PPA1: variants seen among roughly 807,000 people sequenced by gnomAD.
The protein encoded by PPA1 is inorganic pyrophosphatase 1, also known as inorganic pyrophosphatase.
In PPA1, 23 loss-of-function variants were observed where a neutral mutation model predicts 41.8. That is an observed-to-expected ratio of 0.55 (90% CI 0.40 to 0.78). PPA1 has a LOEUF of 0.78. Ranked by LOEUF, PPA1 falls within the 30% of genes least tolerant of loss-of-function variation. The probability of loss-of-function intolerance (pLI) is 0.00; values close to 1 mark genes in which losing one functional copy is unlikely to be tolerated. For synonymous variants in PPA1, 101 were observed against 116.8 expected (o/e 0.86, Z 0.87); for missense variants, 320 against 361.6 (o/e 0.89, Z 0.93).
In PPA1 at chr10:70,219,047, T is replaced by C. The variant is rs188819563; in HGVS notation, c.124-230A>G. Among the ~76,000 whole-genome samples, 86 of 152,288 alleles carry C rather than the reference T, an allele frequency of 5.6e-4. 1 individual carries two copies. In the South Asian group the frequency reaches 8.3e-3, roughly 15 times the overall value. On this transcript the variant is annotated intron_variant, in intron 2 of 10. Coordinates refer to ENST00000373232, the MANE Select transcript of PPA1 (RefSeq NM_021129.4). ...GGTCAGTATATGATTGCTTACGGTATAGTTCTTCTTAATTTTTATTTACTT... is the reference window on the plus strand; with the variant it reads ...GGTCAGTATATGATTGCTTACGGTACAGTTCTTCTTAATTTTTATTTACTT...
intron 2 of PPA1, among the ~76,000 whole-genome samples, chr10:70,219,319 C>T (rs966895115): frequency 6.6e-6 from 1 of 152,164 alleles, no homozygotes; most frequent in Admixed American, 6.5e-5. Flanking sequence ...CGTAACAGAA[C>T]CTGTATCTCT....
At chr10:70,207,541 T>C (rs973574872) in intron 8 of PPA1, among the ~76,000 whole-genome samples, 44 of 152,192 alleles carry the variant, frequency 2.9e-4, no homozygotes, top group African/African-American at 1.1e-3. Context: ...TGGTGATGCG[T>C]GCCTGTAGTA....
intron 3 of PPA1, 158 bp downstream of exon 3, chr10:70,218,606 G>A: frequency 1.7e-6 from 1 of 603,158 alleles, no homozygotes; most frequent in South Asian, 2.1e-5. Context: ...GGAGCCCAAA[G>A]GGAAGACTAG....
chr10:70,213,931 A>G (rs995961282), intron 5 of PPA1, among the ~76,000 whole-genome samples: 2 of 152,218 alleles, frequency 1.3e-5, no homozygotes, highest in Admixed American at 6.5e-5. Flanking sequence ...TTATTTTATA[A>G]AAGTCATGAG....
rs1414243438 is a variant in PPA1 at position 70,218,671 on chromosome 10, T to G, written c.177+93A>C. The G allele has an allele frequency of 6.0e-6, 6 of 1,003,662 alleles. No homozygotes were observed. In the African/African-American group the frequency reaches 9.7e-5, roughly 16 times the overall value. The allele number at this position is 1,003,662 out of a possible 1,614,324, so 62.2% of individuals were successfully genotyped here. A position where few individuals can be genotyped will look rare whatever the true frequency, so the allele number is the denominator to read the frequency against. On this transcript the variant is annotated intron_variant, in intron 3 of 10. Coordinates refer to ENST00000373232, the MANE Select transcript of PPA1 (RefSeq NM_021129.4). ...GACTGGGACCAGACAGAGAAAAACC[T>G]TGACGTTCAGATGGTTCATCCTTGA...
intron 4 of PPA1, among the ~76,000 whole-genome samples, chr10:70,215,605 TGAG>T (rs1840071217): frequency 6.6e-6 from 1 of 152,052 alleles, no homozygotes; most frequent in South Asian, 2.1e-4. Flanking sequence ...CTCAGCCTCC[TGAG>T]TTGCTGGGAT....
intron 8 of PPA1, among the ~76,000 whole-genome samples, chr10:70,207,001 T>C (rs1839952791): frequency 6.6e-6 from 1 of 150,672 alleles, no homozygotes; most frequent in South Asian, 2.1e-4. Context: ...GAAAAAATAA[T>C]GAAACAAAAA....
rs1376185994 is a variant in PPA1 at position 70,203,124 on chromosome 10, C to G, written c.*31G>C. Reference sequence around the variant, plus strand: ...ATACATCCAGATGAACACGATGTAGCAATATCAGCTTGTATTCCAGAGAAA... The same window carrying G: ...ATACATCCAGATGAACACGATGTAGGAATATCAGCTTGTATTCCAGAGAAA... On this transcript the variant is annotated 3_prime_UTR_variant, in exon 11 of 11. Coordinates refer to ENST00000373232, the MANE Select transcript of PPA1 (RefSeq NM_021129.4). 6.3e-7 allele frequency: 1 copy of G among 1,588,348 alleles called. No individual in the cohort carries two copies. Among genetic ancestry groups the G allele is most frequent in the Admixed American group, 1.7e-5 (1 of 59,912 alleles).
At position 70,218,624 on chromosome 10, in the gene PPA1, T is replaced by C. The variant is rs551224131; in HGVS notation, c.177+140A>G. The C allele has an allele frequency of 3.4e-4, 224 of 655,814 alleles. 4 individuals carry two copies. The highest frequency in any genetic ancestry group is 3.3e-3 in the South Asian group (175 of 52,494). The allele number at this position is 655,814 out of a possible 1,614,324, so 40.6% of individuals were successfully genotyped here. A position where few individuals can be genotyped will look rare whatever the true frequency, so the allele number is the denominator to read the frequency against. ...GCCCAAAGGGAAGACTAGTAGGCAA[T>C]GGGAGATACAACTAGAAAATAGACT... On this transcript the variant is annotated intron_variant, in intron 3 of 10. Coordinates refer to ENST00000373232, the MANE Select transcript of PPA1 (RefSeq NM_021129.4).
At chr10:70,206,203 A>G in intron 9 of PPA1, 61 bp downstream of exon 9, 2 of 1,302,990 alleles carry the variant, frequency 1.5e-6, no homozygotes, top group Non-Finnish European at 2.2e-6. Flanking sequence ...TCCTCTCCCC[A>G]TTTAGCATCA....
intron 6 of PPA1, chr10:70,210,289 C>T: frequency 1.1e-6 from 1 of 922,486 alleles, no homozygotes; most frequent in Non-Finnish European, 1.6e-6. Flanking sequence ...GTTGCCCAGG[C>T]TGGTCTCAAA....
At position 70,230,345 on chromosome 10, in the gene PPA1, T is replaced by A; in HGVS notation, c.119A>T (p.Asp40Val). The change falls in exon 2 of 11, where the codon GAT (aspartate) becomes GTT (valine). Residue 40 changes from aspartate to valine, a missense_variant. Transcript: ENST00000373232. ...CCAAAAACAAGGATGCCTTACCTTA[T>A]CTGCATAAATTGGAATATCATGAAA... ...SPFHDIPIYA[D>V]KDVFHMVVEV... 3 of 1,613,326 alleles carry A rather than the reference T, an allele frequency of 1.9e-6. No individual in the cohort carries two copies. The highest frequency in any genetic ancestry group is 1.3e-5 in the African/African-American group (1 of 75,046).
intron 5 of PPA1, 56 bp from the exon 6 acceptor site, chr10:70,213,645 A>G: frequency 1.3e-6 from 2 of 1,536,938 alleles, no homozygotes; most frequent in Admixed American, 1.9e-5. Context: ...TCTAGAAGAC[A>G]GTTTTACTTG....
chr10:70,226,133 C>A (rs1840227814), intron 2 of PPA1, among the ~76,000 whole-genome samples: 1 of 152,178 alleles, frequency 6.6e-6, no homozygotes, highest in Non-Finnish European at 1.5e-5. Flanking sequence ...AAAACACATA[C>A]ACACAAAACT....
chr10:70,231,272 A>G (rs1297286531), intron 1 of PPA1, among the ~76,000 whole-genome samples: 4 of 152,210 alleles, frequency 2.6e-5, no homozygotes, highest in Non-Finnish European at 4.4e-5. Context: ...TCAAGTTTAA[A>G]AATCAAAGTG....
chr10:70,229,388 C>T (rs1457730053), intron 2 of PPA1, among the ~76,000 whole-genome samples: 1 of 152,232 alleles, frequency 6.6e-6, no homozygotes, highest in African/African-American at 2.4e-5. Flanking sequence ...AGCACAGCCT[C>T]CCAAGTGGGA....
chr10:70,225,673 T>C (rs1016981323), intron 2 of PPA1, among the ~76,000 whole-genome samples: 11 of 151,110 alleles, frequency 7.3e-5, no homozygotes, highest in Non-Finnish European at 1.3e-4. Flanking sequence ...TTGGAACTTA[T>C]AGACTAGTTT....
intron 1 of PPA1, among the ~76,000 whole-genome samples, chr10:70,231,468 G>C (rs1840289123): frequency 6.6e-6 from 1 of 152,232 alleles, no homozygotes; most frequent in Non-Finnish European, 1.5e-5. Context: ...TTGGGAGGCT[G>C]AGGCAGGAGA....
rs1368871183 is a variant in PPA1, at chr10:70,217,902, A to G, written c.207T>C (p.Ile69=). The part of the protein sequence containing the change: ...EIATKDPLNP[I]KQDVKKGKLR... ...GTTTTCCTTTTTTCACATCTTGTTT[A>G]ATAGGGTTTAAAGGGTCCTTTGTAG... The change falls in exon 4 of 11, where the codon ATT becomes ATC. Residue 69 remains isoleucine (I), a synonymous_variant. Coordinates refer to ENST00000373232, the MANE Select transcript of PPA1 (RefSeq NM_021129.4). 6.2e-7 allele frequency: 1 copy of G among 1,603,026 alleles called. No individual in the cohort carries two copies. Among genetic ancestry groups the G allele is most frequent in the Non-Finnish European group, 8.5e-7 (1 of 1,172,776 alleles).
Sources: allele counts gnomAD v4.1 joint callset (sites outside exome capture counted in the v4.1 genomes callset), GRCh38; gene constraint gnomAD v4.1.1; transcripts MANE v1.5; gene names NCBI Gene and HGNC (gene_info 2026-07-23, HGNC 2026-07-21).